RBM12: variants seen among roughly 807,000 people sequenced by gnomAD.
The protein encoded by RBM12 is RNA-binding protein 12.
In RBM12, 24 loss-of-function variants were observed where a neutral mutation model predicts 37.2. That is an observed-to-expected ratio of 0.65 (90% CI 0.47 to 0.91). The LOEUF is 0.91. Ranked by LOEUF, RBM12 falls within the 40% of genes least tolerant of loss-of-function variation. The pLI is 0.00. For synonymous variants in RBM12, 420 were observed against 425.2 expected (o/e 0.99, Z 0.15); for missense variants, 1,061 against 1,183.2 (o/e 0.90, Z 1.52).
At position 35,653,136 on chromosome 20, in the gene RBM12, T is replaced by C. The variant is rs1418190067; in HGVS notation, c.2187A>G (p.Gly729=). 2 of 1,613,526 alleles carry C rather than the reference T, an allele frequency of 1.2e-6. No homozygotes were observed. Among genetic ancestry groups the C allele is most frequent in the African/African-American group, 1.3e-5 (1 of 74,926 alleles). ...PPFNFPGNFG[G]SNAFGPPIPP... ...GGATTGGTGGCCCAAAGGCATTTGA[T>C]CCACCAAAATTACCAGGAAAGTTAA... The change falls in exon 3 of 3, where the codon GGA becomes GGG. Residue 729 remains glycine (G), a synonymous_variant. Coordinates refer to ENST00000374114, the MANE Select transcript of RBM12 (RefSeq NM_006047.6).
Position 35,651,649 on chromosome 20 carries a change from A to C in RBM12, c.*875T>G, listed in dbSNP as rs1232229164. The C allele has an allele frequency of 6.6e-6, 1 of 152,426 alleles. No individual in the cohort carries two copies. The highest frequency in any genetic ancestry group is 1.5e-5 in the Non-Finnish European group (1 of 68,036). 9.4% of individuals were successfully genotyped at this position (152,426 alleles called of 1,614,324 possible). On this transcript the variant is annotated 3_prime_UTR_variant, in exon 3 of 3. Transcript: ENST00000374114. Reference sequence around the variant, plus strand: ...TTAGTCCATATGAAAAGGACTTCAAATCAAGTATCTTAAACACATTATTAA... The same window carrying C: ...TTAGTCCATATGAAAAGGACTTCAACTCAAGTATCTTAAACACATTATTAA...
At chr20:35,657,475 A>G (rs1190351058) in intron 2 of RBM12, among the ~76,000 whole-genome samples, 1 of 152,058 alleles carries the variant, frequency 6.6e-6, no homozygotes, top group Non-Finnish European at 1.5e-5. Context: ...TGAGAGAGAG[A>G]GAGAGACTAG....
In RBM12 at chr20:35,652,748, T is replaced by C; in HGVS notation, c.2575A>G (p.Lys859Glu). 1 of 1,613,582 alleles carries C rather than the reference T, an allele frequency of 6.2e-7. No homozygotes were observed. The highest frequency in any genetic ancestry group is 8.5e-7 in the Non-Finnish European group (1 of 1,179,662). ...SSGKPGPTVI[K>E]VQNMPFTVSI... ...ACAGTAAAGGGCATGTTTTGCACTT[T>C]AATTACTGTCGGTCCTGGTTTTCCA... Residue 859 changes from lysine to glutamate, a missense_variant, in exon 3 of 3, where the codon AAA becomes GAA. Lys to Glu is a moderately conservative substitution (Grantham distance 56). Around this residue, in one of 3 missense-constraint regions of RBM12, gnomAD observed 517 missense variants for 534.0 expected, o/e 0.97. Transcript: ENST00000374114.
In RBM12 at chr20:35,659,733, A is replaced by G. The variant is rs1320154574; in HGVS notation, c.-107-719T>C. 4.6e-5 allele frequency among the ~76,000 whole-genome samples: 7 copies of G among 152,246 alleles called. No individual in the cohort carries two copies. The East Asian group carries it at 1.3e-3, about 29-fold the overall frequency. On this transcript the variant is annotated intron_variant, in intron 1 of 2. Transcript: ENST00000374114. Reference sequence around the variant, plus strand: ...ACATATTAAGAGTATATCCCAAAATAAAAACAGGTCACTCATCTTTCACTG... The same window carrying G: ...ACATATTAAGAGTATATCCCAAAATGAAAACAGGTCACTCATCTTTCACTG...
chr20:35,654,525 C>T lies in RBM12; in HGVS notation c.798G>A (p.Met266Ile), dbSNP rs1244152090. The change falls in exon 3 of 3, where the codon ATG becomes ATA. Residue 266 changes from methionine (M) to isoleucine (I), a missense_variant. Met to Ile is a conservative substitution (Grantham distance 10, BLOSUM62 1). Transcript: ENST00000374114. ...PAGMNGSGAP[M>I]NLNNNLNPMF... Reference sequence around the variant, plus strand: ...TAGGATTCAGATTATTGTTCAAATTCATAGGTGCTCCAGAGCCATTCATTC... The same window carrying T: ...TAGGATTCAGATTATTGTTCAAATTTATAGGTGCTCCAGAGCCATTCATTC... The T allele has an allele frequency of 1.2e-6, 2 of 1,614,198 alleles. No homozygotes were observed. Among genetic ancestry groups the T allele is most frequent in the East Asian group, 4.5e-5 (2 of 44,884 alleles).
In RBM12 at chr20:35,652,839, G is replaced by T. The variant is rs1277679217; in HGVS notation, c.2484C>A (p.Gly828=). Reference sequence around the variant, plus strand: ...GGCCAGGGCCGGGGCCGGGGCCGGGGCCAGGCCCAAAAGCTGGTGGCCCAC... The same window carrying T: ...GGCCAGGGCCGGGGCCGGGGCCGGGTCCAGGCCCAAAAGCTGGTGGCCCAC... ...HLGGPPAFGP[G]PGPGPGPGPI... Residue 828 remains glycine, a synonymous_variant, in exon 3 of 3, where the codon GGC becomes GGA. Coordinates refer to ENST00000374114, the MANE Select transcript of RBM12 (RefSeq NM_006047.6). 3 of 1,608,536 alleles carry T rather than the reference G, an allele frequency of 1.9e-6. No individual in the cohort carries two copies. The highest frequency in any genetic ancestry group is 8.5e-7 in the Non-Finnish European group (1 of 1,177,270).
Position 35,654,789 on chromosome 20 carries a change from TGTGCTTGGAACA to T in RBM12, c.522_533del (p.Val175_Thr178del). ...GCGGGACTGTGTTCATTGGAGAGGC[TGTGCTTGGAACA>T]GTTGAGCTAAACGTTGGGCTCCCAA... On this transcript the variant is annotated inframe_deletion, in exon 3 of 3. Transcript: ENST00000374114. 1 of 1,614,156 alleles carries T rather than the reference TGTGCTTGGAACA, an allele frequency of 6.2e-7. No individual in the cohort carries two copies. Among genetic ancestry groups the T allele is most frequent in the South Asian group, 1.1e-5 (1 of 91,080 alleles).
chr20:35,649,488 G>C lies in RBM12; in HGVS notation c.*3036C>G, dbSNP rs1453950560. On this transcript the variant is annotated 3_prime_UTR_variant, in exon 3 of 3. Coordinates refer to ENST00000374114, the MANE Select transcript of RBM12 (RefSeq NM_006047.6). ...ATTACTACCTGAAATTTTAAATAAA[G>C]TTTCCTAATCGAATTTTCATTGTTG... is the stretch of plus-strand genomic sequence containing the variant. 1 of 152,568 alleles carries C rather than the reference G, an allele frequency of 6.6e-6. No homozygotes were observed. The highest frequency in any genetic ancestry group is 1.5e-5 in the Non-Finnish European group (1 of 68,012). The allele number at this position is 152,568 out of a possible 1,614,324, so 9.5% of individuals were successfully genotyped here.
rs1262439749 is a variant in RBM12, at chr20:35,651,604, G to A, written c.*920C>T. The A allele has an allele frequency of 6.6e-6, 1 of 152,048 alleles. No individual in the cohort carries two copies. The highest frequency in any genetic ancestry group is 1.9e-4 in the East Asian group (1 of 5,196). The allele number at this position is 152,048 out of a possible 1,614,324, so 9.4% of individuals were successfully genotyped here. A position where few individuals can be genotyped will look rare whatever the true frequency, so the allele number is the denominator to read the frequency against. On this transcript the variant is annotated 3_prime_UTR_variant, in exon 3 of 3. Coordinates refer to ENST00000374114, the MANE Select transcript of RBM12 (RefSeq NM_006047.6). ...GCCAAAATTTCACATAATCGGGACA[G>A]GAGGAAATTGATACTACAATTAGTC...
chr20:35,652,393 A>G lies in RBM12; in HGVS notation c.*131T>C. Reference sequence around the variant, plus strand: ...TCTGTAAACAGTCAACCAATGCTCTATGTTATGGAAACCAAGCTATATGCA... The same window carrying G: ...TCTGTAAACAGTCAACCAATGCTCTGTGTTATGGAAACCAAGCTATATGCA... On this transcript the variant is annotated 3_prime_UTR_variant, in exon 3 of 3. Transcript: ENST00000374114. 8 of 1,045,846 alleles carry G rather than the reference A, an allele frequency of 7.6e-6. 1 individual carries two copies. Among genetic ancestry groups the G allele is most frequent in the Non-Finnish European group, 1.1e-5 (8 of 722,554 alleles). 64.8% of individuals were successfully genotyped at this position (1,045,846 alleles called of 1,614,324 possible). A position where few individuals can be genotyped will look rare whatever the true frequency, so the allele number is the denominator to read the frequency against.
chr20:35,653,507 G>A lies in RBM12; in HGVS notation c.1816C>T (p.Arg606Cys), dbSNP rs577362598. The change falls in exon 3 of 3, where the codon CGT (arginine) becomes TGT (cysteine). Residue 606 changes from arginine to cysteine, a missense_variant. By Grantham distance (180) the Arg-to-Cys change is radical. Coordinates refer to ENST00000374114, the MANE Select transcript of RBM12 (RefSeq NM_006047.6). ...GCTTCTCTCCCATTAAGTTTTTTAC[G>A]GTGTAAGCGTTCAGACTTACGTGCA... is the stretch of plus-strand genomic sequence containing the variant. ...DDARKSERLH[R>C]KKLNGREAFV... 2.1e-5 allele frequency: 34 copies of A among 1,614,076 alleles called. No individual in the cohort carries two copies. The highest frequency in any genetic ancestry group is 8.9e-5 in the East Asian group (4 of 44,890).
At position 35,654,490 on chromosome 20, in the gene RBM12, C is replaced by G; in HGVS notation, c.833G>C (p.Gly278Ala). 6.2e-7 allele frequency: 1 copy of G among 1,614,156 alleles called. No individual in the cohort carries two copies. Among genetic ancestry groups the G allele is most frequent in the South Asian group, 1.1e-5 (1 of 91,082 alleles). Residue 278 changes from glycine to alanine, a missense_variant, in exon 3 of 3, where the codon GGT (glycine) becomes GCT (alanine). By Grantham distance (60) the Gly-to-Ala change is moderately conservative. Coordinates refer to ENST00000374114, the MANE Select transcript of RBM12 (RefSeq NM_006047.6). ...LNNNLNPMFL[G>A]PLNPVNPIQM... ...GATAGGGTTAACAGGATTCAACGGA[C>G]CAAGAAACATAGGATTCAGATTATT...
chr20:35,661,757 A>T (rs2034242137), intron 1 of RBM12, among the ~76,000 whole-genome samples: 1 of 152,234 alleles, frequency 6.6e-6, no homozygotes, highest in Admixed American at 6.5e-5. Context: ...CTTCATCAAG[A>T]AGTCAAGGCA....
chr20:35,654,835 C>G lies in RBM12; in HGVS notation c.488G>C (p.Gly163Ala). The G allele has an allele frequency of 6.2e-7, 1 of 1,614,150 alleles. No individual in the cohort carries two copies. Among genetic ancestry groups the G allele is most frequent in the Non-Finnish European group, 8.5e-7 (1 of 1,180,014 alleles). The change falls in exon 3 of 3, where the codon GGG becomes GCG. Residue 163 changes from glycine to alanine, a missense_variant. Around this residue, in one of 3 missense-constraint regions of RBM12, gnomAD observed 540 missense variants for 632.7 expected, o/e 0.85. Coordinates refer to ENST00000374114, the MANE Select transcript of RBM12 (RefSeq NM_006047.6). The stretch of plus-strand genomic sequence containing the variant: ...AAACGTTGGGCTCCCAAAGGAAGCC[C>G]CCATATTTGGAGGAGCTGTTCCTAC... ...ASVGTAPPNMGASFGSPTFSS... is the reference protein window; with the variant it reads ...ASVGTAPPNMAASFGSPTFSS...
rs150519373 is a variant in RBM12, at chr20:35,653,866, G to A, written c.1457C>T (p.Ala486Val). 3.1e-6 allele frequency: 5 copies of A among 1,614,028 alleles called. No homozygotes were observed. The highest frequency in any genetic ancestry group is 4.2e-6 in the Non-Finnish European group (5 of 1,180,032). The change falls in exon 3 of 3, where the codon GCT (alanine) becomes GTT (valine). Residue 486 changes from alanine (A) to valine (V), a missense_variant. Physicochemically the swap from Ala to Val is moderately conservative, Grantham distance 64. Transcript: ENST00000374114. ...GTACTGTTTATGACGACACAGAGCAGCCTTATAGTCAGCCTCATTTCTGAA... is the reference window on the plus strand; with the variant it reads ...GTACTGTTTATGACGACACAGAGCAACCTTATAGTCAGCCTCATTTCTGAA... ...VEFRNEADYK[A>V]ALCRHKQYMG...
At position 35,655,168 on chromosome 20, in the gene RBM12, T is replaced by C; in HGVS notation, c.155A>G (p.Asp52Gly). 6.2e-7 allele frequency: 1 copy of C among 1,614,218 alleles called. No individual in the cohort carries two copies. Among genetic ancestry groups the C allele is most frequent in the South Asian group, 1.1e-5 (1 of 91,088 alleles). Residue 52 changes from aspartate to glycine, a missense_variant, in exon 3 of 3, where the codon GAT becomes GGT. By Grantham distance (94) the Asp-to-Gly change is moderately conservative. This residue lies in a region of RBM12 where 540 missense variants were observed against 632.7 expected (regional missense o/e 0.85). Coordinates refer to ENST00000374114, the MANE Select transcript of RBM12 (RefSeq NM_006047.6). ...TGTGCGCATCATACCAAGCCTTGCA[T>C]CTTCATCAGTGGCAAAAACGATGAA... ...EAFIVFATDE[D>G]ARLGMMRTGG...
chr20:35,661,496 T>C (rs775647968), intron 1 of RBM12, among the ~76,000 whole-genome samples: 2 of 152,256 alleles, frequency 1.3e-5, no homozygotes, highest in Non-Finnish European at 2.9e-5. Context: ...GGGCCTGATT[T>C]GTCATTAAAG....
Position 35,655,202 on chromosome 20 carries a change from C to A in RBM12, c.121G>T (p.Gly41Cys), listed in dbSNP as rs2033824542. Residue 41 changes from glycine to cysteine, a missense_variant, in exon 3 of 3, where the codon GGT becomes TGT. By Grantham distance (159) the Gly-to-Cys change is radical. Transcript: ENST00000374114. Reference sequence around the variant, plus strand: ...GTGGCAAAAACGATGAAAGCCTCACCCAGTTCACCCCCTACAATATGCACG... The same window carrying A: ...GTGGCAAAAACGATGAAAGCCTCACACAGTTCACCCCCTACAATATGCACG... ...GGVHIVGGEL[G>C]EAFIVFATDE... is the part of the protein sequence containing the mutation. The A allele has an allele frequency of 6.2e-7, 1 of 1,614,014 alleles. No homozygotes were observed. The highest frequency in any genetic ancestry group is 8.5e-7 in the Non-Finnish European group (1 of 1,180,038).
chr20:35,655,113 T>C lies in RBM12; in HGVS notation c.210A>G (p.Thr70=), dbSNP rs200457552. The part of the protein sequence containing the change: ...TGGTIKGSKV[T]LLLSSKTEMQ... ...TTTCCGTCTTACTACTCAACAATAG[T>C]GTTACTTTTGACCCTTTAATTGTAC... The change falls in exon 3 of 3, where the codon ACA becomes ACG. Residue 70 remains threonine (T), a synonymous_variant. Coordinates refer to ENST00000374114, the MANE Select transcript of RBM12 (RefSeq NM_006047.6). 29 of 1,614,170 alleles carry C rather than the reference T, an allele frequency of 1.8e-5. No individual in the cohort carries two copies. The highest frequency in any genetic ancestry group is 2.5e-5 in the Non-Finnish European group (29 of 1,180,036).
Sources: allele counts gnomAD v4.1 joint callset (sites outside exome capture counted in the v4.1 genomes callset), GRCh38; gene constraint gnomAD v4.1.1; regional missense constraint gnomAD v4.1.1; transcripts MANE v1.5; gene names NCBI Gene and HGNC (gene_info 2026-07-23, HGNC 2026-07-21).